The following IGF2R variants were observed in gnomAD, a reference collection of about 807,000 sequenced individuals.
IGF2R encodes cation-independent mannose-6-phosphate receptor.
A neutral mutation model predicts 270.6 loss-of-function variants in IGF2R; 91 were observed. That is an observed-to-expected ratio of 0.34 (90% CI 0.28 to 0.40). IGF2R has a LOEUF of 0.40. Among genes scored for constraint, IGF2R ranks in the 10% least tolerant of loss-of-function variants. The pLI is 1.00. For synonymous variants in IGF2R, 1,316 were observed against 1,258.9 expected (o/e 1.05, Z -0.96); for missense variants, 2,805 against 3,188.3 (o/e 0.88, Z 2.90).
At chr6:160,044,345 A>T (rs8191785) in intron 12 of IGF2R, among the ~76,000 whole-genome samples, 169 bp from the exon 13 acceptor site, 2,315 of 152,262 alleles carry the variant, frequency 0.015, 61 homozygotes, top group African/African-American at 0.052. Flanking sequence ...AGGGAAACCC[A>T]TCCGCTGCCT....
chr6:160,084,204 A>G lies in IGF2R; in HGVS notation c.6068+20A>G, dbSNP rs771471678. On this transcript the variant is annotated intron_variant, in intron 40 of 47. Coordinates refer to ENST00000356956, the MANE Select transcript of IGF2R (RefSeq NM_000876.4). The surrounding 1 kb of genome is among the most constrained non-coding windows in gnomAD (Gnocchi z 4.6). ...AGTCTCGTGAGTGCCTTCCCAGTCCACCCGCGGCGCCACACCCTCAGCATG... is the reference window on the plus strand; with the variant it reads ...AGTCTCGTGAGTGCCTTCCCAGTCCGCCCGCGGCGCCACACCCTCAGCATG... 1 of 1,464,418 alleles carries G rather than the reference A, an allele frequency of 6.8e-7. No homozygotes were observed. The highest frequency in any genetic ancestry group is 9.6e-7 in the Non-Finnish European group (1 of 1,044,368). 90.7% of individuals were successfully genotyped at this position (1,464,418 alleles called of 1,614,324 possible). A position where few individuals can be genotyped will look rare whatever the true frequency, so the allele number is the denominator to read the frequency against.
intron 12 of IGF2R, among the ~76,000 whole-genome samples, chr6:160,044,098 C>A: frequency 6.6e-6 from 1 of 152,220 alleles, no homozygotes; most frequent in Non-Finnish European, 1.5e-5. Context: ...GACACATTCT[C>A]ACCCTTTGGC....
intron 1 of IGF2R, among the ~76,000 whole-genome samples, chr6:159,972,523 A>G (rs913861757): frequency 3.9e-5 from 6 of 152,168 alleles, no homozygotes; most frequent in African/African-American, 1.4e-4. Flanking sequence ...TTGGATTTCC[A>G]GGAAAACTAC....
intron 17 of IGF2R, 57 bp downstream of exon 17, chr6:160,047,964 T>C (rs1188507476): frequency 1.8e-6 from 2 of 1,131,068 alleles, no homozygotes; most frequent in Non-Finnish European, 2.7e-6. Flanking sequence ...AGGTTGCAAG[T>C]GTTGCTGGTG....
chr6:159,976,013 C>A (rs1351079099), intron 1 of IGF2R, among the ~76,000 whole-genome samples: 1 of 151,628 alleles, frequency 6.6e-6, no homozygotes, highest in Non-Finnish European at 1.5e-5. Flanking sequence ...GTGGAAGGAG[C>A]TAGTTAGCTT....
Position 160,110,513 on chromosome 6 carries a change from C to T in IGF2R, c.*5429C>T, listed in dbSNP as rs1779720594. ...AAATTGGTATAGCCATTATGGAAAA[C>T]AGGAAGTTCCTGAAAAAATTAAGAA... On this transcript the variant is annotated 3_prime_UTR_variant, in exon 48 of 48. Transcript: ENST00000356956. 1 of 152,198 alleles carries T rather than the reference C, an allele frequency of 6.6e-6. No homozygotes were observed. The highest frequency in any genetic ancestry group is 1.5e-5 in the Non-Finnish European group (1 of 68,048). 9.4% of individuals were successfully genotyped at this position (152,198 alleles called of 1,614,324 possible). A position where few individuals can be genotyped will look rare whatever the true frequency, so the allele number is the denominator to read the frequency against.
At chr6:160,005,722 GCCCCCCAT>G in intron 2 of IGF2R, 1 of 147,612 alleles carries the variant, frequency 6.8e-6, no homozygotes, top group East Asian at 2.1e-4. Flanking sequence ...TGCAGCGGCC[GCCCCCCAT>G]CCCCCACCCG....
At chr6:160,008,882 G>C (rs1420638513) in intron 2 of IGF2R, 128 bp from the exon 3 acceptor site, 1 of 939,002 alleles carries the variant, frequency 1.1e-6, no homozygotes, top group Admixed American at 2.3e-5. Context: ...TTCTGGGAAA[G>C]GACAGTTTTA....
Position 160,090,027 on chromosome 6 carries a change from A to G in IGF2R, c.6579A>G (p.Ile2193Met). The change falls in exon 44 of 48, where the codon ATA becomes ATG. Residue 2193 changes from isoleucine (I) to methionine (M), a missense_variant. Coordinates refer to ENST00000356956, the MANE Select transcript of IGF2R (RefSeq NM_000876.4). ...ACCCGGCGTGCTCTGGAGCCAACAT[A>G]TGCCAGGTGAAGCCCAACGATCAGC... Reference protein sequence around the residue: ...SRNPACSGANICQVKPNDQHF... With the variant: ...SRNPACSGANMCQVKPNDQHF... 6.2e-7 allele frequency: 1 copy of G among 1,604,514 alleles called. No individual in the cohort carries two copies. The highest frequency in any genetic ancestry group is 8.5e-7 in the Non-Finnish European group (1 of 1,175,640).
intron 11 of IGF2R, among the ~76,000 whole-genome samples, chr6:160,042,117 A>G (rs1238429320): frequency 6.6e-6 from 1 of 152,116 alleles, no homozygotes; most frequent in Non-Finnish European, 1.5e-5. Flanking sequence ...AATCTGCAGT[A>G]TTTCGTGGTA....
At chr6:160,065,843 T>TATATATATATATATATATATAG (rs1778572208) in intron 29 of IGF2R, among the ~76,000 whole-genome samples, 1 of 137,146 alleles carries the variant, frequency 7.3e-6, no homozygotes, top group Non-Finnish European at 1.5e-5. Context: ...TATATATATA[T>TATATATATATATATATATATAG]ATGTATTTTT....
intron 1 of IGF2R, among the ~76,000 whole-genome samples, chr6:159,980,237 A>AAAAGAAAGAT (rs1554234705): frequency 6.9e-6 from 1 of 143,944 alleles, no homozygotes; most frequent in Non-Finnish European, 1.5e-5. Flanking sequence ...GAAAGAAAGA[A>AAAAGAAAGAT]AGGTACATGG....
At chr6:160,009,518 A>G (rs1784300780) in intron 3 of IGF2R, among the ~76,000 whole-genome samples, 1 of 151,892 alleles carries the variant, frequency 6.6e-6, no homozygotes, top group Non-Finnish European at 1.5e-5. Flanking sequence ...TTCTTTCCTC[A>G]TTTATATTAA....
At chr6:159,972,850 G>A (rs1359450561) in intron 1 of IGF2R, among the ~76,000 whole-genome samples, 1 of 152,240 alleles carries the variant, frequency 6.6e-6, no homozygotes, top group East Asian at 1.9e-4. Context: ...ATTTCCCAAA[G>A]TGTATCTGGC....
intron 45 of IGF2R, among the ~76,000 whole-genome samples, chr6:160,101,455 G>A (rs913300388): frequency 6.6e-6 from 1 of 152,196 alleles, no homozygotes; most frequent in Non-Finnish European, 1.5e-5. Context: ...ACGCCAGGCT[G>A]TCCCTGTGGT....
At chr6:160,000,741 T>TC in intron 2 of IGF2R, among the ~76,000 whole-genome samples, 1 of 143,164 alleles carries the variant, frequency 7.0e-6, no homozygotes, top group Non-Finnish European at 1.5e-5. Flanking sequence ...TTTTTTTTTT[T>TC]TTTTTTTTTT....
At position 160,029,539 on chromosome 6, in the gene IGF2R, G is replaced by A; in HGVS notation, c.777-11G>A. On this transcript the variant is annotated splice_polypyrimidine_tract_variant and intron_variant, in intron 6 of 47. Coordinates refer to ENST00000356956, the MANE Select transcript of IGF2R (RefSeq NM_000876.4). ...TTTTGTAATACTCTTTTCTCAATGT[G>A]GCTCTCCCAGGCTTGTCCTGAGTTA... 6.4e-7 allele frequency: 1 copy of A among 1,571,754 alleles called. No individual in the cohort carries two copies.
At chr6:160,003,962 A>G (rs1454626957) in intron 2 of IGF2R, 1 of 152,180 alleles carries the variant, frequency 6.6e-6, no homozygotes, top group Non-Finnish European at 1.5e-5. Flanking sequence ...CTCTGGGGGA[A>G]CAGCCAGTTC....
chr6:160,096,646 C>T lies in IGF2R; in HGVS notation c.6842+21C>T, dbSNP rs1368868697. On this transcript the variant is annotated intron_variant, in intron 45 of 47. Coordinates refer to ENST00000356956, the MANE Select transcript of IGF2R (RefSeq NM_000876.4). ...CTGGGGTGAGTATGACATCCGGAAGCTTAGCACTTGTACCCCACATCTTCC... is the reference window on the plus strand; with the variant it reads ...CTGGGGTGAGTATGACATCCGGAAGTTTAGCACTTGTACCCCACATCTTCC... 5 of 1,585,280 alleles carry T rather than the reference C, an allele frequency of 3.2e-6. No individual in the cohort carries two copies. In the African/African-American group the frequency reaches 6.7e-5, roughly 21 times the overall value.
Sources: allele counts gnomAD v4.1 joint callset (sites outside exome capture counted in the v4.1 genomes callset), GRCh38; gene constraint gnomAD v4.1.1; non-coding constraint Gnocchi (gnomAD v3.1); transcripts MANE v1.5; gene names NCBI Gene and HGNC (gene_info 2026-07-23, HGNC 2026-07-21).